Variants in PTPRD observed in about 807,000 individuals in gnomAD.
PTPRD encodes protein tyrosine phosphatase receptor type D, also known as receptor-type tyrosine-protein phosphatase delta.
A neutral mutation model predicts 214.5 loss-of-function variants in PTPRD; 34 were observed. The observed-to-expected ratio is 0.16, with a 90% confidence interval of 0.12 to 0.21. The LOEUF (loss-of-function observed/expected upper bound fraction) is 0.21. PTPRD is among the 10% of genes least tolerant of loss of function. The pLI, the probability that PTPRD is intolerant of heterozygous loss-of-function variation, is 1.00. For missense variants in PTPRD, 2,545 were observed against 2,398.7 expected (o/e 1.06, Z -1.27); for synonymous variants, 1,128 against 845.7 (o/e 1.33, Z -5.79).
intron 33 of PTPRD, among the ~76,000 whole-genome samples, chr9:8,450,354 C>G (rs1472698216): frequency 1.3e-5 from 2 of 152,084 alleles, no homozygotes; most frequent in African/African-American, 4.8e-5. Context: ...AACACAAGTG[C>G]ATTTTTAAGA....
intron 3 of PTPRD, among the ~76,000 whole-genome samples, chr9:10,223,948 G>A (rs1260149080): frequency 6.6e-6 from 1 of 151,320 alleles, no homozygotes; most frequent in Non-Finnish European, 1.5e-5. Flanking sequence ...CTTTATGTAG[G>A]CCAAAAACTT....
chr9:9,118,169 G>T (rs532449459), intron 10 of PTPRD, among the ~76,000 whole-genome samples: 2 of 152,248 alleles, frequency 1.3e-5, no homozygotes, highest in Non-Finnish European at 2.9e-5. Flanking sequence ...TGGCTCTGCA[G>T]GATTTGAAAG....
chr9:8,347,168 G>A (rs1310148883), intron 39 of PTPRD, among the ~76,000 whole-genome samples: 1 of 151,962 alleles, frequency 6.6e-6, no homozygotes, highest in Non-Finnish European at 1.5e-5. Flanking sequence ...AATCATCCAT[G>A]GGAATATTTA....
At chr9:8,759,601 T>C (rs1201415996) in intron 11 of PTPRD, among the ~76,000 whole-genome samples, 2 of 142,734 alleles carry the variant, frequency 1.4e-5, no homozygotes, top group African/African-American at 2.6e-5. Context: ...GCATCTTTTG[T>C]TCCTGTTACA....
chr9:8,345,390 A>T (rs189998615), intron 39 of PTPRD, among the ~76,000 whole-genome samples: 1 of 152,152 alleles, frequency 6.6e-6, no homozygotes, highest in East Asian at 1.9e-4. Context: ...GTGCTTCACA[A>T]TGCTTTCCAC....
At position 9,024,544 on chromosome 9, in the gene PTPRD, C is replaced by A. The variant is rs56181116; in HGVS notation, c.-142-5809G>T. On this transcript the variant is annotated intron_variant, in intron 10 of 45. Coordinates refer to ENST00000381196, the MANE Select transcript of PTPRD (RefSeq NM_002839.4). ...TAATAACATTTATCACTCCTACAAG[C>A]AAGATAGGAGAGTTCCAACTTCTCC... Among the ~76,000 whole-genome samples the A allele has an allele frequency of 2.0e-3, 310 of 151,660 alleles. 1 individual carries two copies. The highest frequency in any genetic ancestry group is 6.9e-3 in the African/African-American group (286 of 41,446).
chr9:8,933,676 T>C (rs1014656218), intron 11 of PTPRD, among the ~76,000 whole-genome samples: 1 of 152,110 alleles, frequency 6.6e-6, no homozygotes, highest in African/African-American at 2.4e-5. Flanking sequence ...TGACTCAATG[T>C]CATCACCTGA....
At chr9:9,759,698 C>T (rs1234582815) in intron 6 of PTPRD, among the ~76,000 whole-genome samples, 1 of 151,748 alleles carries the variant, frequency 6.6e-6, no homozygotes, top group Non-Finnish European at 1.5e-5. Context: ...GCTGAGATTA[C>T]AGGTGCCCAC....
intron 2 of PTPRD, among the ~76,000 whole-genome samples, chr9:10,585,707 A>C (rs1366724954): frequency 9.7e-6 from 1 of 103,212 alleles, no homozygotes; most frequent in Non-Finnish European, 1.9e-5. Flanking sequence ...AATAGTATAC[A>C]TACACACACA....
intron 3 of PTPRD, among the ~76,000 whole-genome samples, chr9:10,053,196 G>A (rs757476490): frequency 2.0e-4 from 30 of 152,132 alleles, no homozygotes; most frequent in Non-Finnish European, 2.6e-4. Flanking sequence ...ATGATTTATT[G>A]TTAATAAACA....
intron 7 of PTPRD, among the ~76,000 whole-genome samples, chr9:9,643,495 G>C (rs527750563): frequency 6.6e-6 from 1 of 152,226 alleles, no homozygotes; most frequent in Non-Finnish European, 1.5e-5. Flanking sequence ...ATCCAAGAAA[G>C]TATTTTTCTT....
chr9:10,298,249 T>C (rs924935306), intron 3 of PTPRD, among the ~76,000 whole-genome samples: 1 of 152,202 alleles, frequency 6.6e-6, no homozygotes, highest in East Asian at 1.9e-4. Flanking sequence ...TTCCCTAAAA[T>C]AGAAATCAGG....
At chr9:9,421,186 A>C (rs1200948576) in intron 8 of PTPRD, among the ~76,000 whole-genome samples, 3 of 151,974 alleles carry the variant, frequency 2.0e-5, no homozygotes, top group Admixed American at 6.6e-5. Context: ...CCCTGCCTTT[A>C]TATATTGCCT....
chr9:9,578,601 A>G (rs1311531185), intron 7 of PTPRD, among the ~76,000 whole-genome samples: 1 of 152,116 alleles, frequency 6.6e-6, no homozygotes, highest in Non-Finnish European at 1.5e-5. Context: ...AATTTTAAAG[A>G]CAGTTTGTTG....
intron 14 of PTPRD, among the ~76,000 whole-genome samples, chr9:8,588,273 C>T (rs1166747268): frequency 6.6e-6 from 1 of 152,106 alleles, no homozygotes; most frequent in East Asian, 1.9e-4. Flanking sequence ...ATTAGGCTAG[C>T]CACAGTATCT....
intron 8 of PTPRD, among the ~76,000 whole-genome samples, chr9:9,415,617 C>A (rs908883058): frequency 2.6e-5 from 4 of 152,136 alleles, no homozygotes; most frequent in Non-Finnish European, 5.9e-5. Flanking sequence ...TCAACAGACA[C>A]TGATTTAATA....
chr9:9,387,684 C>T (rs16929240), intron 9 of PTPRD, among the ~76,000 whole-genome samples: 35,165 of 151,874 alleles, frequency 0.23, 4,197 homozygotes, highest in Middle Eastern at 0.34. Context: ...TTATTTGTCA[C>T]ATTGAAACAG....
At chr9:9,441,647 A>C (rs74943475) in intron 8 of PTPRD, among the ~76,000 whole-genome samples, 1 of 152,190 alleles carries the variant, frequency 6.6e-6, no homozygotes, top group East Asian at 1.9e-4. Flanking sequence ...ATAACATGTT[A>C]CACTAAATTC....
In PTPRD at chr9:8,705,448, G is replaced by C. The variant is rs537382413; in HGVS notation, c.64+28332C>G. 2.0e-5 allele frequency among the ~76,000 whole-genome samples: 3 copies of C among 152,298 alleles called. No homozygotes were observed. In the South Asian group the frequency reaches 6.2e-4, roughly 32 times the overall value. On this transcript the variant is annotated intron_variant, in intron 12 of 45. Coordinates refer to ENST00000381196, the MANE Select transcript of PTPRD (RefSeq NM_002839.4). ...CTATAATTTTAACAAATGCAGAGGA[G>C]CACATACAAGAAACAAATTCCCAGA...
Sources: gnomAD v4.1 joint callset for allele counts (sites outside exome capture counted in the v4.1 genomes callset) on GRCh38, gnomAD v4.1.1 for gene constraint, MANE v1.5 for transcripts, NCBI Gene and HGNC (gene_info 2026-07-23, HGNC 2026-07-21) for gene names.